RORB: variants seen among roughly 807,000 people sequenced by gnomAD.
RORB encodes nuclear receptor ROR-beta.
A neutral mutation model predicts 59.1 loss-of-function variants in RORB; 6 were observed. That is an observed-to-expected ratio of 0.10 (90% CI 0.06 to 0.20). The LOEUF is 0.20. RORB is among the 10% of genes least tolerant of loss of function. RORB has a pLI of 1.00. For synonymous variants in RORB, 215 were observed against 204.5 expected (o/e 1.05, Z -0.44); for missense variants, 320 against 560.5 (o/e 0.57, Z 4.33).
At chr9:74,508,973 A>C (rs1205405933) in intron 1 of RORB, among the ~76,000 whole-genome samples, 1 of 151,834 alleles carries the variant, frequency 6.6e-6, no homozygotes, top group Non-Finnish European at 1.5e-5. Flanking sequence ...ATCCCTAATC[A>C]ACTATGGCAT....
intron 1 of RORB, among the ~76,000 whole-genome samples, chr9:74,556,978 A>G (rs1302148198): frequency 1.3e-5 from 2 of 151,890 alleles, no homozygotes; most frequent in African/African-American, 4.8e-5. Flanking sequence ...TGACTATACT[A>G]TCGTATGGTA....
chr9:74,631,324 C>T (rs1823613441), intron 2 of RORB, among the ~76,000 whole-genome samples: 1 of 152,116 alleles, frequency 6.6e-6, no homozygotes, highest in Non-Finnish European at 1.5e-5. Context: ...AAAATGCAGC[C>T]ACAGTCTGGG....
intron 8 of RORB, among the ~76,000 whole-genome samples, chr9:74,670,501 GA>G (rs1165467140): frequency 6.6e-6 from 1 of 151,822 alleles, no homozygotes. Flanking sequence ...CCTTTTTCTA[GA>G]AAAAAAACAT....
intron 1 of RORB, among the ~76,000 whole-genome samples, chr9:74,527,473 T>C (rs1826171778): frequency 6.6e-6 from 1 of 151,942 alleles, no homozygotes; most frequent in Admixed American, 6.6e-5. Flanking sequence ...TTTGTGACAA[T>C]GGTAAGTTCT....
intron 1 of RORB, among the ~76,000 whole-genome samples, chr9:74,533,602 A>G (rs1826278652): frequency 6.6e-6 from 1 of 151,952 alleles, no homozygotes. Context: ...TTTTTGAAAA[A>G]TTAGTTTAAT....
chr9:74,617,341 G>GTGAATTT (rs1240269211), intron 1 of RORB, among the ~76,000 whole-genome samples: 2 of 152,308 alleles, frequency 1.3e-5, no homozygotes, highest in Non-Finnish European at 2.9e-5. Context: ...ATTTGTTAAA[G>GTGAATTT]TGAAATTTGA....
At chr9:74,544,175 G>A (rs1411904581) in intron 1 of RORB, among the ~76,000 whole-genome samples, 1 of 152,162 alleles carries the variant, frequency 6.6e-6, no homozygotes, top group Non-Finnish European at 1.5e-5. Context: ...CTTGCCGCTT[G>A]CCTTGGTGCC....
chr9:74,529,684 GC>G (rs1274327087), intron 1 of RORB, among the ~76,000 whole-genome samples: 1 of 151,732 alleles, frequency 6.6e-6, no homozygotes, highest in African/African-American at 2.4e-5. Context: ...TACATAACAA[GC>G]ACACAATGAA....
At chr9:74,575,880 A>C (rs1458683551) in intron 1 of RORB, among the ~76,000 whole-genome samples, 1 of 152,130 alleles carries the variant, frequency 6.6e-6, no homozygotes, top group Non-Finnish European at 1.5e-5. Flanking sequence ...TGCATGTAAA[A>C]GCACTTTGTA....
intron 1 of RORB, chr9:74,615,603 T>C (rs1374358822): frequency 1.1e-5 from 5 of 454,662 alleles, no homozygotes; most frequent in Admixed American, 2.4e-5. Context: ...CGTCAAAATG[T>C]GTGAGAACCA....
chr9:74,592,101 G>A (rs1174643794), intron 1 of RORB, among the ~76,000 whole-genome samples: 1 of 152,110 alleles, frequency 6.6e-6, no homozygotes, highest in Non-Finnish European at 1.5e-5. Flanking sequence ...ACTGACCATA[G>A]CCATCCATAC....
intron 1 of RORB, among the ~76,000 whole-genome samples, chr9:74,576,131 G>A (rs1424823659): frequency 6.6e-6 from 1 of 152,114 alleles, no homozygotes; most frequent in African/African-American, 2.4e-5. Context: ...GATAGTAAAG[G>A]AAACCAGCAT....
chr9:74,605,796 A>G (rs1213665339), intron 1 of RORB, among the ~76,000 whole-genome samples: 2 of 152,218 alleles, frequency 1.3e-5, no homozygotes, highest in African/African-American at 4.8e-5. Flanking sequence ...ATGGATCCAC[A>G]TTATTAATTA....
chr9:74,512,240 C>G (rs1341653444), intron 1 of RORB, among the ~76,000 whole-genome samples: 4 of 152,150 alleles, frequency 2.6e-5, no homozygotes, highest in Admixed American at 6.6e-5. Flanking sequence ...AGCTGCAAGA[C>G]TGCAATTCCT....
intron 1 of RORB, among the ~76,000 whole-genome samples, chr9:74,568,906 C>A (rs930448250): frequency 2.0e-5 from 3 of 151,912 alleles, no homozygotes; most frequent in African/African-American, 4.8e-5. Flanking sequence ...TTATGAAAAT[C>A]TTTCATCTTT....
intron 1 of RORB, among the ~76,000 whole-genome samples, chr9:74,573,945 G>T (rs992400118): frequency 3.9e-5 from 6 of 152,074 alleles, no homozygotes; most frequent in African/African-American, 1.4e-4. Context: ...CTGTGGTCAG[G>T]ATAGGGTTTC....
At chr9:74,498,051 G>A in intron 1 of RORB, 68 bp downstream of exon 1, 1 of 1,565,008 alleles carries the variant, frequency 6.4e-7, no homozygotes, top group Admixed American at 1.7e-5. Flanking sequence ...GGAGATGGGG[G>A]AGGGGAGGGC....
chr9:74,540,575 A>G (rs921120492), intron 1 of RORB, among the ~76,000 whole-genome samples: 1 of 152,234 alleles, frequency 6.6e-6, no homozygotes, highest in African/African-American at 2.4e-5. Context: ...GATAGAATAT[A>G]ATACCCTCTA....
intron 1 of RORB, among the ~76,000 whole-genome samples, chr9:74,510,164 A>G (rs773576994): frequency 1.6e-4 from 25 of 152,136 alleles, no homozygotes; most frequent in Non-Finnish European, 3.1e-4. Context: ...AATTGATCGT[A>G]TTATAGAATG....
Sources: allele counts gnomAD v4.1 joint callset (sites outside exome capture counted in the v4.1 genomes callset), GRCh38; gene constraint gnomAD v4.1.1; transcripts MANE v1.5; gene names NCBI Gene and HGNC (gene_info 2026-07-23, HGNC 2026-07-21).